CGNL1: variants seen among roughly 807,000 people sequenced by gnomAD.
The protein encoded by CGNL1 is cingulin like 1.
CGNL1 carries 132 observed loss-of-function variants against 141.2 expected under a neutral mutation model. The ratio of observed to expected loss-of-function variants is 0.93; its 90% CI spans 0.81 to 1.08. The LOEUF is 1.08. CGNL1 is among the 50% of genes least tolerant of loss of function. The pLI, the probability that CGNL1 is intolerant of heterozygous loss-of-function variation, is 0.00. For missense variants in CGNL1, 1,870 were observed against 1,588.6 expected, an observed-to-expected ratio of 1.18 and a Z score of -3.01; for synonymous variants, 690 against 622.1, an observed-to-expected ratio of 1.11 and a Z score of -1.63.
At chr15:57,495,949 G>A (rs1165024252) in intron 8 of CGNL1, among the ~76,000 whole-genome samples, 1 of 152,092 alleles carries the variant, frequency 6.6e-6, no homozygotes, top group Non-Finnish European at 1.5e-5. Context: ...TTTCCAGAAG[G>A]CCAAGAATGT....
Position 57,548,479 on chromosome 15 carries a change from G to T in CGNL1, c.*989G>T, listed in dbSNP as rs1212192862. 1.3e-5 allele frequency: 2 copies of T among 152,238 alleles called. No individual in the cohort carries two copies. The highest frequency in any genetic ancestry group is 4.8e-5 in the African/African-American group (2 of 41,450). 9.4% of individuals were successfully genotyped at this position (152,238 alleles called of 1,614,324 possible). On this transcript the variant is annotated 3_prime_UTR_variant, in exon 19 of 19. Transcript: ENST00000281282. ...TAAGACTGAGCATAGCAGTTCACAT[G>T]GTCTGGGTAAACAAGTCACTGGCAC...
chr15:57,465,041 T>C (rs1222739969), intron 8 of CGNL1, among the ~76,000 whole-genome samples: 1 of 152,082 alleles, frequency 6.6e-6, no homozygotes, highest in Non-Finnish European at 1.5e-5. Context: ...TGTGAGCCAC[T>C]GTGCGCGGCT....
At chr15:57,410,256 A>G (rs961469018) in intron 1 of CGNL1, among the ~76,000 whole-genome samples, 2 of 152,254 alleles carry the variant, frequency 1.3e-5, no homozygotes, top group Admixed American at 6.5e-5. Context: ...ATTGTCCTTC[A>G]GTTTTCTCAT....
intron 8 of CGNL1, among the ~76,000 whole-genome samples, chr15:57,484,718 C>A (rs143623215): frequency 6.6e-6 from 1 of 152,022 alleles, no homozygotes; most frequent in Non-Finnish European, 1.5e-5. Context: ...CTCCCCTTAC[C>A]CCCCAATCCA....
chr15:57,515,297 T>C (rs988873800), intron 8 of CGNL1, among the ~76,000 whole-genome samples: 4 of 152,204 alleles, frequency 2.6e-5, no homozygotes, highest in African/African-American at 9.7e-5. Context: ...CTCTGTTGTA[T>C]AGAATTAAAC....
At chr15:57,497,780 G>T (rs2063961817) in intron 8 of CGNL1, among the ~76,000 whole-genome samples, 1 of 152,248 alleles carries the variant, frequency 6.6e-6, no homozygotes, top group African/African-American at 2.4e-5. Flanking sequence ...CAGAGATGCG[G>T]GCTTGCACCC....
chr15:57,439,763 A>T (rs2063161874), intron 2 of CGNL1, among the ~76,000 whole-genome samples, 162 bp downstream of exon 2: 1 of 152,140 alleles, frequency 6.6e-6, no homozygotes, highest in South Asian at 2.1e-4. Flanking sequence ...CCTACTGACG[A>T]TGTCCTACTG....
At position 57,426,373 on chromosome 15, in the gene CGNL1, G is replaced by A. The variant is rs2062973969; in HGVS notation, c.-15-11612G>A. 2.6e-5 allele frequency among the ~76,000 whole-genome samples: 4 copies of A among 151,722 alleles called. 1 individual carries two copies. The highest frequency in any genetic ancestry group is 9.7e-5 in the African/African-American group (4 of 41,280). ...TTGAACAGGCTGGTCTTGAACTCCT[G>A]ACCTCAAGTGATCCACCTGCCTAGG... On this transcript the variant is annotated intron_variant, in intron 1 of 18. Transcript: ENST00000281282.
chr15:57,407,390 G>GT (rs1477015752), intron 1 of CGNL1: 166 of 152,312 alleles, frequency 1.1e-3, no homozygotes, highest in African/African-American at 3.9e-3. Context: ...GCCAGGCACA[G>GT]TGGCTCATGC....
intron 1 of CGNL1, among the ~76,000 whole-genome samples, chr15:57,412,838 AG>A (rs1350922857): frequency 6.6e-6 from 1 of 152,042 alleles, no homozygotes; most frequent in East Asian, 1.9e-4. Flanking sequence ...TTCTGTACCC[AG>A]TGCCATCTCT....
intron 8 of CGNL1, among the ~76,000 whole-genome samples, chr15:57,500,674 G>T (rs1295372227): frequency 6.6e-6 from 1 of 151,882 alleles, no homozygotes; most frequent in Non-Finnish European, 1.5e-5. Flanking sequence ...AGCGTGGAGC[G>T]TTCAGTTCAC....
intron 4 of CGNL1, among the ~76,000 whole-genome samples, chr15:57,446,665 CTTTTTTT>C (rs11327140): frequency 5.1e-5 from 6 of 116,710 alleles, no homozygotes; most frequent in African/African-American, 6.5e-5. Flanking sequence ...CTGAACATTA[CTTTTTTT>C]TTTTTTTTTT....
At chr15:57,472,156 G>A (rs570762916) in intron 8 of CGNL1, among the ~76,000 whole-genome samples, 1 of 152,176 alleles carries the variant, frequency 6.6e-6, no homozygotes, top group Admixed American at 6.5e-5. Context: ...GTTTCCTTGA[G>A]GAAAACGATG....
chr15:57,506,734 C>T (rs1340029488), intron 8 of CGNL1, among the ~76,000 whole-genome samples: 1 of 152,166 alleles, frequency 6.6e-6, no homozygotes, highest in Non-Finnish European at 1.5e-5. Context: ...CTGTTGTCTA[C>T]CCAACCTTAA....
intron 4 of CGNL1, among the ~76,000 whole-genome samples, chr15:57,446,035 G>T (rs909675742): frequency 5.9e-5 from 9 of 152,194 alleles, no homozygotes; most frequent in Non-Finnish European, 1.2e-4. Context: ...TACAGGCTAT[G>T]CAGAGAGGGA....
intron 1 of CGNL1, among the ~76,000 whole-genome samples, chr15:57,384,357 A>G (rs2062459372): frequency 6.6e-6 from 1 of 152,174 alleles, no homozygotes; most frequent in Non-Finnish European, 1.5e-5. Flanking sequence ...AGCTTTTACT[A>G]TAGCAATTCT....
At chr15:57,445,675 G>C (rs1268913987) in intron 4 of CGNL1, among the ~76,000 whole-genome samples, 2 of 152,228 alleles carry the variant, frequency 1.3e-5, no homozygotes, top group African/African-American at 4.8e-5. Flanking sequence ...AGGTAGGGAA[G>C]TACCTCATTC....
At chr15:57,400,068 A>C (rs369739921) in intron 1 of CGNL1, among the ~76,000 whole-genome samples, 13 of 150,052 alleles carry the variant, frequency 8.7e-5, no homozygotes, top group African/African-American at 3.2e-4. Context: ...ATCAAAGCTC[A>C]CTGCAGCTTC....
At chr15:57,452,450 G>A (rs1018522690) in intron 6 of CGNL1, among the ~76,000 whole-genome samples, 161 bp downstream of exon 6, 2 of 152,080 alleles carry the variant, frequency 1.3e-5, no homozygotes, top group African/African-American at 2.4e-5. Flanking sequence ...TGAAGCTGGC[G>A]ACACATGTAG....
Sources: gnomAD v4.1 joint callset for allele counts (sites outside exome capture counted in the v4.1 genomes callset) on GRCh38, gnomAD v4.1.1 for gene constraint, MANE v1.5 for transcripts, NCBI Gene and HGNC (gene_info 2026-07-23, HGNC 2026-07-21) for gene names.